CPA6: variants seen among roughly 807,000 people sequenced by gnomAD.
The protein encoded by CPA6 is carboxypeptidase B.
A neutral mutation model predicts 63.3 loss-of-function variants in CPA6; 58 were observed. The observed-to-expected ratio is 0.92, with a 90% confidence interval of 0.74 to 1.14. CPA6 has a LOEUF of 1.14. Among genes scored for constraint, CPA6 ranks in the 50% most tolerant of loss-of-function variants. The probability of loss-of-function intolerance (pLI) is 0.00; values close to 1 mark genes in which losing one functional copy is unlikely to be tolerated. For missense variants in CPA6, 565 were observed against 526.6 expected, an observed-to-expected ratio of 1.07 and a Z score of -0.71; for synonymous variants, 185 against 179.0, an observed-to-expected ratio of 1.03 and a Z score of -0.27.
Position 67,471,345 on chromosome 8 carries a change from C to T in CPA6, c.838+12423G>A, listed in dbSNP as rs144387388. Among the ~76,000 whole-genome samples, 396 of 152,298 alleles carry T rather than the reference C, an allele frequency of 2.6e-3. 1 individual carries two copies. The highest frequency in any genetic ancestry group is 9.1e-3 in the African/African-American group (377 of 41,566). Reference sequence around the variant, plus strand: ...CTGACTTTCTTTGTTTTCTTCATTGCTGTTTTCCCCAATAATCAGCTAGTT... The same window carrying T: ...CTGACTTTCTTTGTTTTCTTCATTGTTGTTTTCCCCAATAATCAGCTAGTT... On this transcript the variant is annotated intron_variant, in intron 8 of 10. Coordinates refer to ENST00000297770, the MANE Select transcript of CPA6 (RefSeq NM_020361.5).
At chr8:67,451,520 A>G (rs1810557720) in intron 8 of CPA6, among the ~76,000 whole-genome samples, 1 of 152,208 alleles carries the variant, frequency 6.6e-6, no homozygotes, top group South Asian at 2.1e-4. Flanking sequence ...TTCATTATAT[A>G]TCACAATGTA....
At chr8:67,620,130 T>C (rs751947787) in intron 2 of CPA6, among the ~76,000 whole-genome samples, 7 of 152,260 alleles carry the variant, frequency 4.6e-5, no homozygotes, top group Non-Finnish European at 1.0e-4. Flanking sequence ...CTAGGGGCCA[T>C]TGGAATTCCT....
intron 8 of CPA6, among the ~76,000 whole-genome samples, chr8:67,434,696 C>T (rs566850692): frequency 3.9e-5 from 6 of 152,078 alleles, no homozygotes; most frequent in South Asian, 2.1e-4. Flanking sequence ...GTCTCATGGC[C>T]GCAGCAGCTG....
At chr8:67,480,327 C>T (rs1811331851) in intron 8 of CPA6, among the ~76,000 whole-genome samples, 2 of 152,038 alleles carry the variant, frequency 1.3e-5, no homozygotes, top group African/African-American at 4.8e-5. Flanking sequence ...AAACCCCTTA[C>T]CCCTCAAAAG....
intron 1 of CPA6, among the ~76,000 whole-genome samples, chr8:67,714,276 T>C (rs891750948): frequency 7.2e-5 from 11 of 152,018 alleles, no homozygotes; most frequent in African/African-American, 2.7e-4. Flanking sequence ...AAAATCAGAG[T>C]GGAAAGCGAC....
chr8:67,623,789 G>T (rs2128986899), intron 2 of CPA6, among the ~76,000 whole-genome samples: 1 of 152,210 alleles, frequency 6.6e-6, no homozygotes. Flanking sequence ...GCTGGGCACG[G>T]TGGCTCATGC....
chr8:67,590,882 T>G (rs934468646), intron 2 of CPA6, among the ~76,000 whole-genome samples: 5 of 152,206 alleles, frequency 3.3e-5, no homozygotes, highest in African/African-American at 9.6e-5. Context: ...AGAAGCTCTT[T>G]AGTTTAATTA....
intron 8 of CPA6, among the ~76,000 whole-genome samples, chr8:67,460,335 G>A (rs1293145095): frequency 6.6e-6 from 1 of 152,136 alleles, no homozygotes; most frequent in African/African-American, 2.4e-5. Context: ...TTTAAGGTCA[G>A]TTATTATAAT....
intron 1 of CPA6, among the ~76,000 whole-genome samples, chr8:67,730,403 C>T (rs1221859540): frequency 1.3e-5 from 2 of 152,228 alleles, no homozygotes; most frequent in East Asian, 1.9e-4. Flanking sequence ...ATACCAACCT[C>T]GCAGTACTTC....
intron 1 of CPA6, among the ~76,000 whole-genome samples, chr8:67,712,996 A>G (rs1817294710): frequency 6.6e-6 from 1 of 150,758 alleles, no homozygotes; most frequent in African/African-American, 2.4e-5. Context: ...TTAAAATAAT[A>G]AATTATTCTA....
At chr8:67,584,802 A>AT (rs1813881390) in intron 2 of CPA6, among the ~76,000 whole-genome samples, 1 of 152,108 alleles carries the variant, frequency 6.6e-6, no homozygotes, top group Non-Finnish European at 1.5e-5. Flanking sequence ...TAGGATCTAG[A>AT]ATAAACATTT....
At chr8:67,596,308 A>G (rs1203158638) in intron 2 of CPA6, among the ~76,000 whole-genome samples, 1 of 152,132 alleles carries the variant, frequency 6.6e-6, no homozygotes, top group Non-Finnish European at 1.5e-5. Context: ...AAAAGTTGGC[A>G]TTTATTGTTG....
At chr8:67,653,458 A>G (rs12543753) in intron 1 of CPA6, among the ~76,000 whole-genome samples, 26,245 of 148,218 alleles carry the variant, frequency 0.18, 2,349 homozygotes, top group Middle Eastern at 0.31. Context: ...GGTCCTTCAC[A>G]TCCCTTGTAA....
At chr8:67,478,986 A>G (rs780082369) in intron 8 of CPA6, among the ~76,000 whole-genome samples, 1 of 152,154 alleles carries the variant, frequency 6.6e-6, no homozygotes, top group Non-Finnish European at 1.5e-5. Context: ...ACGTCACTGC[A>G]CTCTAGCCTG....
At position 67,683,389 on chromosome 8, in the gene CPA6, C is replaced by G. The variant is rs140568154; in HGVS notation, c.117-59138G>C. ...CTGGAATTTTTTCTATCTATTCTCC[C>G]TATCCTCAGGCTCTGCTATTTGCAA... is the stretch of plus-strand genomic sequence containing the variant. On this transcript the variant is annotated intron_variant, in intron 1 of 10. Coordinates refer to ENST00000297770, the MANE Select transcript of CPA6 (RefSeq NM_020361.5). Among the ~76,000 whole-genome samples the G allele has an allele frequency of 6.9e-3, 1,058 of 152,290 alleles. 14 individuals carry two copies. Among genetic ancestry groups the G allele is most frequent in the Middle Eastern group, 6.8e-3 (2 of 294 alleles).
chr8:67,716,568 C>G (rs555842179), intron 1 of CPA6, among the ~76,000 whole-genome samples: 4 of 152,142 alleles, frequency 2.6e-5, no homozygotes, highest in African/African-American at 9.7e-5. Flanking sequence ...GCAGAGGAAG[C>G]AATCAGATAT....
intron 6 of CPA6, among the ~76,000 whole-genome samples, chr8:67,506,466 A>C (rs1304243033): frequency 6.6e-6 from 1 of 152,216 alleles, no homozygotes; most frequent in Non-Finnish European, 1.5e-5. Flanking sequence ...TTGGAACACC[A>C]CAGATTGGGT....
Position 67,481,688 on chromosome 8 carries a change from G to T in CPA6, c.838+2080C>A, listed in dbSNP as rs1566769. 7.8e-3 allele frequency among the ~76,000 whole-genome samples: 1,186 copies of T among 152,272 alleles called. 14 individuals are homozygous for T. Among genetic ancestry groups the T allele is most frequent in the African/African-American group, 0.027 (1,127 of 41,538 alleles). On this transcript the variant is annotated intron_variant, in intron 8 of 10. Coordinates refer to ENST00000297770, the MANE Select transcript of CPA6 (RefSeq NM_020361.5). ...GCATTTCTACGTCATTTATGCTATG[G>T]ATGTTTATTTGGAGGTTCACTTTAG...
At chr8:67,632,598 C>T (rs1258648206) in intron 1 of CPA6, among the ~76,000 whole-genome samples, 2 of 152,146 alleles carry the variant, frequency 1.3e-5, no homozygotes, top group Non-Finnish European at 2.9e-5. Context: ...AGGTATGAGC[C>T]ACTGCACCAA....
Sources: allele counts gnomAD v4.1 joint callset (sites outside exome capture counted in the v4.1 genomes callset), GRCh38; gene constraint gnomAD v4.1.1; transcripts MANE v1.5; gene names NCBI Gene and HGNC (gene_info 2026-07-23, HGNC 2026-07-21).